The following LINGO2 variants were observed in gnomAD, a reference collection of about 807,000 sequenced individuals.
The protein encoded by LINGO2 is leucine-rich repeat and immunoglobulin-like domain-containing nogo receptor-interacting protein 2.
LINGO2 carries 14 observed loss-of-function variants against 30.6 expected under a neutral mutation model. That is an observed-to-expected ratio of 0.46 (90% CI 0.30 to 0.72). The LOEUF (loss-of-function observed/expected upper bound fraction) is 0.72, where lower values mean the gene tolerates loss of function less well. Ranked by LOEUF, LINGO2 falls within the 30% of genes least tolerant of loss-of-function variation. The pLI is 0.07. For missense variants in LINGO2, 729 were observed against 751.7 expected (o/e 0.97, Z 0.35); for synonymous variants, 317 against 288.5 (o/e 1.10, Z -1.00).
intron 4 of LINGO2, among the ~76,000 whole-genome samples, chr9:28,091,352 G>C (rs1020841594): frequency 6.6e-6 from 1 of 152,152 alleles, no homozygotes; most frequent in African/African-American, 2.4e-5. Flanking sequence ...GCATGGTACT[G>C]GTACCAAAAC....
chr9:28,936,721 G>A, the LINGO2 span, among the ~76,000 whole-genome samples: 1 of 152,252 alleles, frequency 6.6e-6, no homozygotes, highest in Admixed American at 6.5e-5. Context: ...AATATTATCT[G>A]ATATATGGCA....
chr9:28,031,701 ATTGT>A (rs1402779344), intron 4 of LINGO2, among the ~76,000 whole-genome samples: 1 of 152,164 alleles, frequency 6.6e-6, no homozygotes, highest in Non-Finnish European at 1.5e-5. Context: ...TAAGCCGATT[ATTGT>A]TTGTCCAGGG....
chr9:28,608,598 C>G (rs6476082), intron 1 of LINGO2, among the ~76,000 whole-genome samples: 1 of 151,558 alleles, frequency 6.6e-6, no homozygotes, highest in Admixed American at 6.6e-5. Flanking sequence ...TTGGTCCGCG[C>G]AAATTTTCAA....
chr9:28,831,571 T>G, the LINGO2 span, among the ~76,000 whole-genome samples: 1 of 152,080 alleles, frequency 6.6e-6, no homozygotes, highest in African/African-American at 2.4e-5. Context: ...AGACTTGATA[T>G]TTAGAAGGAA....
At chr9:29,136,624 T>C in the LINGO2 span, among the ~76,000 whole-genome samples, 11 of 152,306 alleles carry the variant, frequency 7.2e-5, no homozygotes, top group Admixed American at 7.2e-4. Flanking sequence ...TTCTGGATGG[T>C]TCTTCTCAGT....
intron 2 of LINGO2, among the ~76,000 whole-genome samples, chr9:28,469,580 T>C (rs1576737): frequency 0.71 from 108,389 of 151,986 alleles, 38,861 homozygotes; most frequent in East Asian, 0.83. Context: ...AGAAAGAACA[T>C]TAATCATGTA....
At chr9:29,159,002 C>G in the LINGO2 span, among the ~76,000 whole-genome samples, 11 of 152,130 alleles carry the variant, frequency 7.2e-5, no homozygotes, top group Admixed American at 3.9e-4. Flanking sequence ...TTATTTTCCT[C>G]CTAGCAGCTC....
At chr9:28,172,699 G>C (rs1237178324) in intron 4 of LINGO2, among the ~76,000 whole-genome samples, 1 of 152,100 alleles carries the variant, frequency 6.6e-6, no homozygotes, top group East Asian at 1.9e-4. Flanking sequence ...GTGTGGTCTT[G>C]CTTCAGTGCA....
the LINGO2 span, among the ~76,000 whole-genome samples, chr9:29,031,060 T>C: frequency 6.6e-6 from 1 of 152,142 alleles, no homozygotes; most frequent in Admixed American, 6.6e-5. Context: ...AATCATTTAT[T>C]GATTTATTGA....
At chr9:28,818,783 T>C in the LINGO2 span, among the ~76,000 whole-genome samples, 2 of 152,166 alleles carry the variant, frequency 1.3e-5, no homozygotes, top group African/African-American at 2.4e-5. Flanking sequence ...AGATAAACTT[T>C]CTAATTTGCA....
At chr9:28,243,617 C>G (rs1821886823) in intron 4 of LINGO2, among the ~76,000 whole-genome samples, 1 of 151,062 alleles carries the variant, frequency 6.6e-6, no homozygotes, top group Admixed American at 6.6e-5. Flanking sequence ...AAATGGAAAG[C>G]AACAAACAAA....
chr9:28,071,879 CAA>C (rs1388762869), intron 4 of LINGO2, among the ~76,000 whole-genome samples: 1 of 152,096 alleles, frequency 6.6e-6, no homozygotes, highest in East Asian at 1.9e-4. Flanking sequence ...CTAAAAGAGT[CAA>C]AGACACTTCA....
chr9:27,952,809 T>G (rs920119396), intron 5 of LINGO2, among the ~76,000 whole-genome samples: 3 of 152,032 alleles, frequency 2.0e-5, no homozygotes, highest in African/African-American at 7.2e-5. Flanking sequence ...ATTCAATAAT[T>G]TTATAATATT....
At chr9:28,858,994 G>A in the LINGO2 span, among the ~76,000 whole-genome samples, 1 of 151,956 alleles carries the variant, frequency 6.6e-6, no homozygotes, top group Non-Finnish European at 1.5e-5. Context: ...ATACAGCAGA[G>A]ATTTAGAAGT....
chr9:28,139,387 G>A (rs1206083218), intron 4 of LINGO2, among the ~76,000 whole-genome samples: 2 of 152,190 alleles, frequency 1.3e-5, no homozygotes, highest in East Asian at 3.8e-4. Context: ...CTCAAATTGT[G>A]TGGGTAGAAT....
intron 1 of LINGO2, among the ~76,000 whole-genome samples, chr9:28,551,224 A>G (rs1386262632): frequency 6.6e-6 from 1 of 151,922 alleles, no homozygotes; most frequent in Non-Finnish European, 1.5e-5. Context: ...AAATAGGCCC[A>G]TCTCTTAGAA....
chr9:28,978,523 G>C, the LINGO2 span, among the ~76,000 whole-genome samples: 1 of 152,008 alleles, frequency 6.6e-6, no homozygotes. Flanking sequence ...TAATGCTCTA[G>C]AGATTGCTGA....
chr9:28,875,054 C>T, the LINGO2 span, among the ~76,000 whole-genome samples: 12 of 152,088 alleles, frequency 7.9e-5, no homozygotes, highest in African/African-American at 2.7e-4. Flanking sequence ...TGATTTGACA[C>T]AGCTTGGCCT....
chr9:28,290,956 A>G (rs1564099539), intron 4 of LINGO2, among the ~76,000 whole-genome samples: 2 of 152,114 alleles, frequency 1.3e-5, no homozygotes, highest in African/African-American at 2.4e-5. Flanking sequence ...CCAATGACTG[A>G]TGAGAATGGT....
Sources: gnomAD v4.1 joint callset for allele counts (sites outside exome capture counted in the v4.1 genomes callset) on GRCh38, gnomAD v4.1.1 for gene constraint, MANE v1.5 for transcripts, NCBI Gene and HGNC (gene_info 2026-07-23, HGNC 2026-07-21) for gene names.